EDIL3: variants seen among roughly 807,000 people sequenced by gnomAD.
EDIL3 encodes the protein EGF-like repeat and discoidin I-like domain-containing protein 3.
Under a neutral mutation model 67.4 loss-of-function variants are expected in EDIL3, and 37 were observed. The ratio of observed to expected loss-of-function variants is 0.55; its 90% CI spans 0.42 to 0.72. The LOEUF is 0.72. Among genes scored for constraint, EDIL3 ranks in the 30% least tolerant of loss-of-function variants. EDIL3 has a pLI of 0.00. For synonymous variants in EDIL3, 195 were observed against 196.3 expected (o/e 0.99, Z 0.05); for missense variants, 527 against 586.3 (o/e 0.90, Z 1.04).
intron 6 of EDIL3, among the ~76,000 whole-genome samples, chr5:84,105,265 T>G (rs1407385545): frequency 6.6e-6 from 1 of 152,068 alleles, no homozygotes; most frequent in East Asian, 1.9e-4. Context: ...AAAAGTCAAG[T>G]GTAACTTAAG....
chr5:83,997,275 T>G (rs1444920656), intron 9 of EDIL3, among the ~76,000 whole-genome samples: 1 of 152,172 alleles, frequency 6.6e-6, no homozygotes, highest in Admixed American at 6.5e-5. Flanking sequence ...GGAGATCTGA[T>G]AGCAGGAAGA....
At chr5:83,983,638 C>A (rs554834512) in intron 9 of EDIL3, among the ~76,000 whole-genome samples, 73 of 151,948 alleles carry the variant, frequency 4.8e-4, no homozygotes, top group African/African-American at 1.7e-3. Context: ...GACTTTAATG[C>A]CTTTTCAGTA....
intron 1 of EDIL3, among the ~76,000 whole-genome samples, chr5:84,276,389 C>T (rs1281016111): frequency 2.6e-5 from 4 of 152,096 alleles, no homozygotes; most frequent in South Asian, 2.1e-4. Flanking sequence ...GATGTGCTTT[C>T]AGAATTGTCA....
chr5:83,952,867 C>T (rs1184793745), intron 10 of EDIL3, among the ~76,000 whole-genome samples: 2 of 151,838 alleles, frequency 1.3e-5, no homozygotes, highest in South Asian at 2.1e-4. Context: ...TCACCCTATC[C>T]TTGTCAGAAA....
chr5:84,111,940 C>A (rs1183754771), intron 5 of EDIL3, among the ~76,000 whole-genome samples: 2 of 151,686 alleles, frequency 1.3e-5, no homozygotes, highest in African/African-American at 4.8e-5. Context: ...GGGAATGATT[C>A]CCGGAAAAGA....
chr5:84,041,800 C>A (rs1746131310), intron 9 of EDIL3, among the ~76,000 whole-genome samples: 1 of 151,612 alleles, frequency 6.6e-6, no homozygotes, highest in South Asian at 2.1e-4. Flanking sequence ...AAGGCATATG[C>A]CTAACAGAAC....
At chr5:84,279,856 G>A (rs1305722130) in intron 1 of EDIL3, among the ~76,000 whole-genome samples, 1 of 152,084 alleles carries the variant, frequency 6.6e-6, no homozygotes, top group African/African-American at 2.4e-5. Context: ...CAGGAATTCT[G>A]TACTAAAATA....
intron 1 of EDIL3, among the ~76,000 whole-genome samples, chr5:84,364,772 T>C (rs1747691893): frequency 6.6e-6 from 1 of 152,072 alleles, no homozygotes; most frequent in South Asian, 2.1e-4. Context: ...AGGTTAATTT[T>C]AGTTATAAAT....
At chr5:84,247,197 C>T (rs896911658) in intron 2 of EDIL3, among the ~76,000 whole-genome samples, 2 of 152,058 alleles carry the variant, frequency 1.3e-5, no homozygotes, top group African/African-American at 4.8e-5. Context: ...AAGAAGTAAT[C>T]TTAAGTAGAG....
intron 9 of EDIL3, among the ~76,000 whole-genome samples, chr5:84,017,316 T>A (rs1383270408): frequency 1.3e-5 from 2 of 152,200 alleles, no homozygotes; most frequent in African/African-American, 2.4e-5. Context: ...TTTATTCAGT[T>A]TGGTACACAG....
At chr5:84,220,820 T>C (rs1040021236) in intron 3 of EDIL3, among the ~76,000 whole-genome samples, 1 of 152,142 alleles carries the variant, frequency 6.6e-6, no homozygotes, top group Non-Finnish European at 1.5e-5. Flanking sequence ...GACTCTTGCT[T>C]TGAAAGCATT....
intron 9 of EDIL3, among the ~76,000 whole-genome samples, chr5:84,030,903 C>T (rs1745908690): frequency 6.6e-6 from 1 of 151,766 alleles, no homozygotes; most frequent in Non-Finnish European, 1.5e-5. Context: ...AAAGTGCCAC[C>T]AACTCCTTGG....
At chr5:84,306,542 A>C (rs547045965) in intron 1 of EDIL3, among the ~76,000 whole-genome samples, 1 of 152,136 alleles carries the variant, frequency 6.6e-6, no homozygotes, top group Non-Finnish European at 1.5e-5. Flanking sequence ...ATTAACTACC[A>C]CTGTTTCTTG....
At chr5:84,352,468 TA>T (rs952457662) in intron 1 of EDIL3, among the ~76,000 whole-genome samples, 1 of 152,030 alleles carries the variant, frequency 6.6e-6, no homozygotes, top group East Asian at 1.9e-4. Context: ...TATGCAGCCA[TA>T]AAAAATGAAA....
chr5:84,196,234 T>C (rs567561284), intron 3 of EDIL3, among the ~76,000 whole-genome samples: 5 of 152,014 alleles, frequency 3.3e-5, no homozygotes, highest in Non-Finnish European at 7.4e-5. Context: ...TCCTTGTTGC[T>C]ATGATGAACA....
chr5:84,230,166 C>T (rs556423432), intron 2 of EDIL3, among the ~76,000 whole-genome samples: 1 of 152,118 alleles, frequency 6.6e-6, no homozygotes, highest in Non-Finnish European at 1.5e-5. Context: ...ATTGAATTGT[C>T]TGAATTTGAT....
At chr5:84,005,001 G>A (rs866273466) in intron 9 of EDIL3, among the ~76,000 whole-genome samples, 1 of 151,978 alleles carries the variant, frequency 6.6e-6, no homozygotes, top group Non-Finnish European at 1.5e-5. Flanking sequence ...AAATGACAAC[G>A]ATGCCATTAC....
intron 5 of EDIL3, among the ~76,000 whole-genome samples, chr5:84,128,740 GT>G (rs1185600225): frequency 6.6e-6 from 1 of 152,046 alleles, no homozygotes; most frequent in Non-Finnish European, 1.5e-5. Flanking sequence ...AAGTTATGCC[GT>G]TCTCAAACTC....
intron 1 of EDIL3, among the ~76,000 whole-genome samples, chr5:84,331,019 T>G (rs763232190): frequency 8.5e-5 from 13 of 152,252 alleles, no homozygotes; most frequent in Non-Finnish European, 1.8e-4. Flanking sequence ...GTTTAATGAC[T>G]GTCCTATTGG....
Sources: gnomAD v4.1 joint callset for allele counts (sites outside exome capture counted in the v4.1 genomes callset) on GRCh38, gnomAD v4.1.1 for gene constraint, MANE v1.5 for transcripts, NCBI Gene and HGNC (gene_info 2026-07-23, HGNC 2026-07-21) for gene names.